The following C1orf21 variants were observed in gnomAD, a reference collection of about 807,000 sequenced individuals.
C1orf21 encodes uncharacterized protein C1orf21.
Under a neutral mutation model 18.7 loss-of-function variants are expected in C1orf21, and 3 were observed. That is an observed-to-expected ratio of 0.16 (90% CI 0.07 to 0.42). C1orf21 has a LOEUF of 0.42. C1orf21 is among the 10% of genes least tolerant of loss of function. The pLI, the probability that C1orf21 is intolerant of heterozygous loss-of-function variation, is 0.99. For synonymous variants in C1orf21, 41 were observed against 46.4 expected (o/e 0.88, Z 0.47); for missense variants, 104 against 143.6 (o/e 0.72, Z 1.41).
intron 3 of C1orf21, among the ~76,000 whole-genome samples, chr1:184,571,743 G>A (rs1254016427): frequency 6.6e-6 from 1 of 152,062 alleles, no homozygotes; most frequent in East Asian, 1.9e-4. Context: ...AACATAAGGG[G>A]GGAGTTTAAA....
chr1:184,567,476 CT>C, intron 3 of C1orf21: 1 of 540,936 alleles, frequency 1.8e-6, no homozygotes. Flanking sequence ...TGCAGAGATG[CT>C]GTATTGGATT....
At chr1:184,548,679 T>C (rs1033777249) in intron 3 of C1orf21, among the ~76,000 whole-genome samples, 5 of 152,190 alleles carry the variant, frequency 3.3e-5, no homozygotes, top group African/African-American at 1.2e-4. Flanking sequence ...TAACCTTTAA[T>C]GGAAATTTTA....
intron 3 of C1orf21, among the ~76,000 whole-genome samples, chr1:184,535,617 A>G (rs1381431921): frequency 6.6e-6 from 1 of 152,208 alleles, no homozygotes; most frequent in East Asian, 1.9e-4. Flanking sequence ...TTTCTATGAA[A>G]AAGTTAACTA....
chr1:184,577,251 TAACAG>T (rs1182603241), intron 3 of C1orf21, among the ~76,000 whole-genome samples: 1 of 151,178 alleles, frequency 6.6e-6, no homozygotes, highest in African/African-American at 2.4e-5. Flanking sequence ...GAAGATGTAA[TAACAG>T]AAGCAGAGAT....
chr1:184,390,044 G>C (rs188460081), intron 1 of C1orf21, among the ~76,000 whole-genome samples: 221 of 152,324 alleles, frequency 1.5e-3, no homozygotes, highest in Middle Eastern at 0.014. Context: ...CCTAACTAAA[G>C]GGTAATCGTA....
At chr1:184,456,501 G>A (rs187400050) in intron 1 of C1orf21, among the ~76,000 whole-genome samples, 3 of 152,252 alleles carry the variant, frequency 2.0e-5, no homozygotes, top group Non-Finnish European at 2.9e-5. Context: ...ATAGAAATTC[G>A]ATGACCTTCA....
At chr1:184,476,278 G>C (rs562978638) in intron 1 of C1orf21, among the ~76,000 whole-genome samples, 3 of 152,214 alleles carry the variant, frequency 2.0e-5, no homozygotes, top group African/African-American at 4.8e-5. Context: ...GTTCATGGGC[G>C]GGGGGCAGTG....
At chr1:184,602,329 A>G (rs1307198623) in intron 5 of C1orf21, among the ~76,000 whole-genome samples, 3 of 152,244 alleles carry the variant, frequency 2.0e-5, no homozygotes, top group African/African-American at 7.2e-5. Flanking sequence ...ACAGATTGTC[A>G]GGAGAGCAGT....
At chr1:184,552,143 C>T (rs563263205) in intron 3 of C1orf21, among the ~76,000 whole-genome samples, 7 of 151,796 alleles carry the variant, frequency 4.6e-5, no homozygotes, top group African/African-American at 1.7e-4. Context: ...GTAACTGCAA[C>T]AAATATTACA....
chr1:184,481,187 CTT>C (rs1483266234), intron 2 of C1orf21, among the ~76,000 whole-genome samples: 1 of 152,172 alleles, frequency 6.6e-6, no homozygotes, highest in Non-Finnish European at 1.5e-5. Context: ...AACTCTCTCT[CTT>C]AGAAAAATGG....
chr1:184,468,317 C>T lies in C1orf21; in HGVS notation c.-124-9069C>T, dbSNP rs189389301. 5.3e-5 allele frequency among the ~76,000 whole-genome samples: 8 copies of T among 152,034 alleles called. No individual in the cohort carries two copies. The East Asian group carries it at 5.8e-4, about 11-fold the overall frequency. On this transcript the variant is annotated intron_variant, in intron 1 of 5. Transcript: ENST00000235307. ...TCTTCAGACCTGAAATAATGTGGCC[C>T]GAGGCAGAGCACAAGGAGAGAAGGA...
intron 3 of C1orf21, among the ~76,000 whole-genome samples, chr1:184,587,133 T>C (rs1659365384): frequency 6.6e-6 from 1 of 152,198 alleles, no homozygotes; most frequent in African/African-American, 2.4e-5. Flanking sequence ...TTTTGTTCCA[T>C]TGGTCTATGT....
At chr1:184,550,452 T>C (rs1658795478) in intron 3 of C1orf21, among the ~76,000 whole-genome samples, 1 of 152,218 alleles carries the variant, frequency 6.6e-6, no homozygotes, top group African/African-American at 2.4e-5. Flanking sequence ...AGACAGGAGT[T>C]ACAGCAGTAG....
intron 5 of C1orf21, among the ~76,000 whole-genome samples, chr1:184,602,645 C>T (rs796810207): frequency 3.9e-5 from 6 of 152,304 alleles, no homozygotes; most frequent in African/African-American, 9.6e-5. Context: ...AGAGGGAAGA[C>T]AGTATCTAGA....
Position 184,621,533 on chromosome 1 carries a change from C to T in C1orf21, c.*1977C>T, listed in dbSNP as rs139681744. On this transcript the variant is annotated 3_prime_UTR_variant, in exon 6 of 6. Coordinates refer to ENST00000235307, the MANE Select transcript of C1orf21 (RefSeq NM_030806.4). ...ACTTGTTCACTGGGGACTTTGCTTA[C>T]CGTTCTGTGGGTGACCTTTTCCGGG... 1,119 of 152,694 alleles carry T rather than the reference C, an allele frequency of 7.3e-3. 6 individuals carry two copies. Among genetic ancestry groups the T allele is most frequent in the Middle Eastern group, 0.024 (7 of 294 alleles). The allele number at this position is 152,694 out of a possible 1,614,324, so 9.5% of individuals were successfully genotyped here. A position where few individuals can be genotyped will look rare whatever the true frequency, so the allele number is the denominator to read the frequency against.
intron 1 of C1orf21, among the ~76,000 whole-genome samples, chr1:184,430,255 A>C (rs1656718750): frequency 6.6e-6 from 1 of 152,072 alleles, no homozygotes; most frequent in Admixed American, 6.5e-5. Context: ...AGTAGAGGTA[A>C]TAATACTGCA....
intron 3 of C1orf21, among the ~76,000 whole-genome samples, chr1:184,530,842 G>A (rs1658451127): frequency 6.6e-6 from 1 of 151,948 alleles, no homozygotes; most frequent in Non-Finnish European, 1.5e-5. Context: ...CTCCCTTTAA[G>A]AGATTGCCCC....
chr1:184,590,693 T>C, intron 3 of C1orf21, 46 bp from the exon 4 acceptor site: 1 of 1,537,506 alleles, frequency 6.5e-7, no homozygotes, highest in Non-Finnish European at 9.0e-7. Flanking sequence ...TGTTTAATTG[T>C]GGATTCTAAT....
chr1:184,443,738 G>A (rs1020976149), intron 1 of C1orf21, among the ~76,000 whole-genome samples: 1 of 152,144 alleles, frequency 6.6e-6, no homozygotes, highest in Admixed American at 6.6e-5. Context: ...ACAGGGAAGG[G>A]AAGGATAGAG....
Sources: allele counts gnomAD v4.1 joint callset (sites outside exome capture counted in the v4.1 genomes callset), GRCh38; gene constraint gnomAD v4.1.1; transcripts MANE v1.5; gene names NCBI Gene and HGNC (gene_info 2026-07-23, HGNC 2026-07-21).